CDH13: variants seen among roughly 807,000 people sequenced by gnomAD.
The protein encoded by CDH13 is cadherin-13.
In CDH13, 24 loss-of-function variants were observed where a neutral mutation model predicts 63.8. That is an observed-to-expected ratio of 0.38 (90% confidence interval 0.27 to 0.53). The LOEUF is 0.53. Among genes scored for constraint, CDH13 ranks in the 20% least tolerant of loss-of-function variants. The pLI, the probability that CDH13 is intolerant of heterozygous loss-of-function variation, is 0.85. For synonymous variants in CDH13, 503 were observed against 355.3 expected (o/e 1.42, Z -4.67); for missense variants, 1,049 against 903.1 (o/e 1.16, Z -2.07).
rs946773012 is a variant in CDH13, at chr16:82,644,098, C to G, written c.45+16961C>G. On this transcript the variant is annotated intron_variant, in intron 1 of 13. Transcript: ENST00000567109. The surrounding 1 kb of genome is among the most constrained non-coding windows in gnomAD (Gnocchi z 5.7). ...GGGTGGGGAGAAAGAGGAGAGAAAT[C>G]TAATTGATATGCTAATTGTCATTGT... 2.8e-4 allele frequency among the ~76,000 whole-genome samples: 43 copies of G among 152,152 alleles called. No homozygotes were observed. Among genetic ancestry groups the G allele is most frequent in the African/African-American group, 9.9e-4 (41 of 41,502 alleles).
At chr16:83,402,268 G>T (rs1483155049) in intron 6 of CDH13, among the ~76,000 whole-genome samples, 1 of 152,136 alleles carries the variant, frequency 6.6e-6, no homozygotes, top group African/African-American at 2.4e-5. Context: ...TGACCATATA[G>T]TTTGCCACCT....
At chr16:83,592,196 A>G (rs1322367706) in intron 7 of CDH13, among the ~76,000 whole-genome samples, 1 of 152,204 alleles carries the variant, frequency 6.6e-6, no homozygotes, top group Non-Finnish European at 1.5e-5. Context: ...GCACACAGTA[A>G]GTGCTCAATC....
intron 6 of CDH13, among the ~76,000 whole-genome samples, chr16:83,391,199 C>T (rs1216427026): frequency 6.7e-6 from 1 of 149,706 alleles, no homozygotes; most frequent in East Asian, 1.9e-4. Flanking sequence ...AGATGTTAAC[C>T]TGCCTACACA....
chr16:82,987,234 T>C (rs145351937), intron 2 of CDH13, among the ~76,000 whole-genome samples: 20 of 152,342 alleles, frequency 1.3e-4, no homozygotes, highest in African/African-American at 4.6e-4. Context: ...GTTACTGCTG[T>C]ATCCCTTAAA....
At chr16:82,709,098 G>C (rs986925029) in intron 1 of CDH13, among the ~76,000 whole-genome samples, 6 of 152,014 alleles carry the variant, frequency 3.9e-5, no homozygotes, top group African/African-American at 1.5e-4. Context: ...CACTGCAGTA[G>C]ATACAATGAA....
intron 10 of CDH13, among the ~76,000 whole-genome samples, chr16:83,713,441 G>C (rs1361762950): frequency 6.6e-6 from 1 of 151,784 alleles, no homozygotes; most frequent in Non-Finnish European, 1.5e-5. Context: ...GGGAGGGAGG[G>C]AGATTTTGAA....
chr16:83,267,445 G>A (rs2088658635), intron 5 of CDH13, among the ~76,000 whole-genome samples: 1 of 152,142 alleles, frequency 6.6e-6, no homozygotes, highest in South Asian at 2.1e-4. Context: ...CTCCCTTTCT[G>A]TGTGTGCGAT....
At chr16:83,605,164 T>C (rs894477944) in intron 8 of CDH13, among the ~76,000 whole-genome samples, 1 of 152,174 alleles carries the variant, frequency 6.6e-6, no homozygotes, top group African/African-American at 2.4e-5. Context: ...AAATGGAGAT[T>C]AGACAATGAG....
chr16:83,330,819 A>C (rs2090466538), intron 5 of CDH13, among the ~76,000 whole-genome samples: 4 of 152,158 alleles, frequency 2.6e-5, no homozygotes. Flanking sequence ...CTTCCTCTTA[A>C]TTCTGAATGA....
At chr16:82,847,803 G>A (rs1434314054) in intron 1 of CDH13, among the ~76,000 whole-genome samples, 1 of 152,100 alleles carries the variant, frequency 6.6e-6, no homozygotes, top group Non-Finnish European at 1.5e-5. Flanking sequence ...CCAAAAGCCA[G>A]AGAAATCACC....
At chr16:82,764,107 T>C (rs1397089892) in intron 1 of CDH13, among the ~76,000 whole-genome samples, 1 of 152,232 alleles carries the variant, frequency 6.6e-6, no homozygotes, top group Non-Finnish European at 1.5e-5. Context: ...GCTTGTTCCT[T>C]TTCACATGTT....
At chr16:83,164,067 G>A (rs1004503587) in intron 4 of CDH13, among the ~76,000 whole-genome samples, 2 of 151,996 alleles carry the variant, frequency 1.3e-5, no homozygotes, top group African/African-American at 2.4e-5. Context: ...TTACCCAGCT[G>A]GTAACTGATC....
intron 1 of CDH13, among the ~76,000 whole-genome samples, chr16:82,716,917 A>G (rs1335253218): frequency 6.6e-6 from 1 of 151,910 alleles, no homozygotes; most frequent in Non-Finnish European, 1.5e-5. Context: ...TCCTTCTTCA[A>G]GTCCCGGTGT....
chr16:83,400,549 G>C (rs937730972), intron 6 of CDH13, among the ~76,000 whole-genome samples: 2 of 152,152 alleles, frequency 1.3e-5, no homozygotes, highest in African/African-American at 4.8e-5. Flanking sequence ...GACATAGTAG[G>C]TTGGAGCAAA....
At chr16:83,486,407 T>C in intron 6 of CDH13, 70 bp from the exon 7 acceptor site, 1 of 1,382,048 alleles carries the variant, frequency 7.2e-7, no homozygotes, top group South Asian at 1.3e-5. Flanking sequence ...ATTGCCCAGG[T>C]GGGGAAGGGG....
intron 2 of CDH13, among the ~76,000 whole-genome samples, chr16:82,908,784 T>C (rs189306964): frequency 6.6e-6 from 1 of 152,342 alleles, no homozygotes; most frequent in African/African-American, 2.4e-5. Context: ...TATAGTGTAA[T>C]GTTTGCGTAA....
intron 2 of CDH13, among the ~76,000 whole-genome samples, chr16:82,891,285 C>G (rs2041072447): frequency 6.6e-6 from 1 of 152,026 alleles, no homozygotes; most frequent in Non-Finnish European, 1.5e-5. Context: ...AAGAGGTCCT[C>G]TAAGAAAGAA....
intron 1 of CDH13, among the ~76,000 whole-genome samples, chr16:82,781,245 C>G (rs941101443): frequency 6.6e-6 from 1 of 152,194 alleles, no homozygotes; most frequent in African/African-American, 2.4e-5. Flanking sequence ...AAACATTATA[C>G]CAATTGGCCT....
chr16:82,704,364 G>A (rs2031304734), intron 1 of CDH13, among the ~76,000 whole-genome samples: 2 of 152,214 alleles, frequency 1.3e-5, no homozygotes, highest in Non-Finnish European at 2.9e-5. Context: ...TGTTCACAGT[G>A]CTGTTCAATT....
Sources: gnomAD v4.1 joint callset for allele counts (sites outside exome capture counted in the v4.1 genomes callset) on GRCh38, gnomAD v4.1.1 for gene constraint, Gnocchi (gnomAD v3.1) non-coding constraint, MANE v1.5 for transcripts, NCBI Gene and HGNC (gene_info 2026-07-23, HGNC 2026-07-21) for gene names.